The following MYL3 variants were observed in gnomAD, a reference collection of about 807,000 sequenced individuals.
The protein encoded by MYL3 is myosin light chain 3, also known as CMLC1.
Under a neutral mutation model 21.3 loss-of-function variants are expected in MYL3, and 11 were observed. That is an observed-to-expected ratio of 0.52 (90% CI 0.32 to 0.85). The LOEUF (loss-of-function observed/expected upper bound fraction) is 0.85, where lower values mean the gene tolerates loss of function less well. MYL3 is among the 40% of genes least tolerant of loss of function. MYL3 has a pLI of 0.03. For synonymous variants in MYL3, 88 were observed against 91.6 expected (o/e 0.96, Z 0.22); for missense variants, 206 against 253.3 (o/e 0.81, Z 1.27).
At chr3:46,865,146 C>T (rs1702035931), upstream of MYL3, among the ~76,000 whole-genome samples, 1 of 152,192 alleles carries the variant, frequency 6.6e-6, no homozygotes. The surrounding 1 kb of genome is among the most constrained non-coding windows in gnomAD (Gnocchi z 4.3). Context: ...CTCATCCTGT[C>T]ACTCCGCCTC....
intron 6 of MYL3, 57 bp from the exon 7 acceptor site, chr3:46,858,158 G>A: frequency 1.2e-5 from 18 of 1,515,586 alleles, no homozygotes; most frequent in Non-Finnish European, 1.6e-5. Flanking sequence ...GCAGCAGGAT[G>A]TCAAGTGAGC....
At chr3:46,869,969 C>G (rs1214608056) in intron 1 of MYL3, among the ~76,000 whole-genome samples, 2 of 152,052 alleles carry the variant, frequency 1.3e-5, no homozygotes, top group Non-Finnish European at 2.9e-5. Context: ...AAACTGGAGA[C>G]AGGGACCCTT....
Position 46,861,107 on chromosome 3 carries a change from C to T in MYL3, c.130-120G>A, listed in dbSNP as rs1048565189. ...TCTCAGCCTGTCCCATTCCAGCATC[C>T]CAGCCTGCACCCCCAGGACCTCCTG... is the stretch of plus-strand genomic sequence containing the variant. On this transcript the variant is annotated intron_variant, in intron 1 of 6. Transcript: ENST00000292327. This position sits in a 1 kb window ranked among gnomAD's most constrained non-coding sequence, Gnocchi z 4.2. 7.8e-6 allele frequency: 9 copies of T among 1,159,902 alleles called. No individual in the cohort carries two copies. The highest frequency in any genetic ancestry group is 6.1e-5 in the African/African-American group (4 of 65,932). 71.9% of individuals were successfully genotyped at this position (1,159,902 alleles called of 1,614,324 possible). A position where few individuals can be genotyped will look rare whatever the true frequency, so the allele number is the denominator to read the frequency against.
At chr3:46,878,732 C>T (rs116527098) in intron 1 of MYL3, among the ~76,000 whole-genome samples, 3,115 of 152,196 alleles carry the variant, frequency 0.02, 55 homozygotes, top group Non-Finnish European at 0.034. Flanking sequence ...TTGGCCAGAG[C>T]CCTACTCACG....
rs1701969934 is a variant in MYL3 at position 46,859,693 on chromosome 3, G to A, written c.308-45C>T. The stretch of plus-strand genomic sequence containing the variant: ...GGTTCCAGGGTCTAAGGCTGGGGTG[G>A]GCACACCCCTCCCCCATGCCTGATA... On this transcript the variant is annotated intron_variant, in intron 3 of 6. Transcript: ENST00000292327. The surrounding 1 kb of genome is among the most constrained non-coding windows in gnomAD (Gnocchi z 4.1). The A allele has an allele frequency of 3.8e-6, 6 of 1,592,986 alleles. No individual in the cohort carries two copies. Among genetic ancestry groups the A allele is most frequent in the Non-Finnish European group, 5.2e-6 (6 of 1,160,884 alleles).
At chr3:46,880,384 C>G (rs1369163575) in intron 1 of MYL3, 1 of 152,216 alleles carries the variant, frequency 6.6e-6, no homozygotes, top group Non-Finnish European at 1.5e-5. Flanking sequence ...AATAGCACAG[C>G]CCTTGAACAC....
At chr3:46,867,070 C>T (rs1343747574), upstream of MYL3, among the ~76,000 whole-genome samples, 1 of 152,098 alleles carries the variant, frequency 6.6e-6, no homozygotes, top group African/African-American at 2.4e-5. Flanking sequence ...GTGCCAAACT[C>T]AGAACCCAGA....
Position 46,875,482 on chromosome 3 carries a change from T to A in MYL3, c.-218+6592A>T, listed in dbSNP as rs2030160417. Among the ~76,000 whole-genome samples the A allele has an allele frequency of 2.0e-5, 3 of 152,280 alleles. No individual in the cohort carries two copies. In the South Asian group the frequency reaches 6.2e-4, roughly 32 times the overall value. ...AGCAGTCTCAGCCTTGCCTTGAGGG[T>A]CATGCAATTTGAGGACATGCCCTCA... On this transcript the variant is annotated intron_variant, in intron 1 of 3. Transcript: ENST00000431168.
intron 1 of MYL3, among the ~76,000 whole-genome samples, chr3:46,871,249 TG>T (rs552034255): frequency 1.5e-3 from 227 of 152,214 alleles, no homozygotes; most frequent in Non-Finnish European, 2.7e-3. Flanking sequence ...GGCACGGTAG[TG>T]TCCGCATCTG....
chr3:46,878,120 G>A (rs185263784), intron 1 of MYL3, among the ~76,000 whole-genome samples: 13 of 152,284 alleles, frequency 8.5e-5, no homozygotes, highest in Middle Eastern at 6.8e-3. Flanking sequence ...TGCCCCCATC[G>A]CCCCTCCCTT....
In MYL3 at chr3:46,860,986, A is replaced by G; in HGVS notation, c.131T>C (p.Ile44Thr). 6.2e-7 allele frequency: 1 copy of G among 1,613,946 alleles called. No homozygotes were observed. The highest frequency in any genetic ancestry group is 8.5e-7 in the Non-Finnish European group (1 of 1,180,000). Reference protein sequence around the residue: ...EVEFDASKIKIEFTPEQIEEF... With the variant: ...EVEFDASKIKTEFTPEQIEEF... ...TTCAATCTGCTCAGGTGTGAACTCA[A>G]TCTGAAAAGAGACCCCAAAGACTCA... is the stretch of plus-strand genomic sequence containing the variant. Residue 44 changes from isoleucine (I) to threonine (T), a missense_variant and splice_region_variant, in exon 2 of 7, where the codon ATT becomes ACT. Physicochemically the swap from Ile to Thr is moderately conservative, Grantham distance 89. Transcript: ENST00000292327. This position sits in a 1 kb window ranked among gnomAD's most constrained non-coding sequence, Gnocchi z 4.6.
intron 1 of MYL3, among the ~76,000 whole-genome samples, chr3:46,875,758 C>A (rs551725580): frequency 5.3e-5 from 8 of 152,246 alleles, no homozygotes; most frequent in Non-Finnish European, 7.3e-5. Flanking sequence ...CAGCTCCCAG[C>A]AGGTCTGGGG....
At chr3:46,858,512 G>C in intron 4 of MYL3, 51 bp from the exon 5 acceptor site, 2 of 1,578,040 alleles carry the variant, frequency 1.3e-6, no homozygotes, top group South Asian at 1.1e-5. Flanking sequence ...AGGCATGATG[G>C]GGTGGGGGCA....
intron 6 of MYL3, 28 bp from the exon 7 acceptor site, chr3:46,858,129 G>A (rs1701949329): frequency 2.2e-6 from 3 of 1,347,676 alleles, no homozygotes; most frequent in African/African-American, 1.4e-5. Flanking sequence ...GCAGATTACA[G>A]AGGAGGAGGG....
At chr3:46,875,391 T>C (rs2030155159) in intron 1 of MYL3, among the ~76,000 whole-genome samples, 2 of 151,804 alleles carry the variant, frequency 1.3e-5, no homozygotes, top group African/African-American at 4.8e-5. Flanking sequence ...TGCCAGGGAG[T>C]GGACTGTCAA....
rs60883694 is a variant in MYL3 at position 46,875,485 on chromosome 3, T to C, written c.-218+6589A>G. On this transcript the variant is annotated intron_variant, in intron 1 of 3. Coordinates refer to the MYL3 transcript ENST00000431168. ...AGTCTCAGCCTTGCCTTGAGGGTCA[T>C]GCAATTTGAGGACATGCCCTCAGGA... Among the ~76,000 whole-genome samples, 472 of 152,332 alleles carry C rather than the reference T, an allele frequency of 3.1e-3. 5 individuals carry two copies. The highest frequency in any genetic ancestry group is 0.011 in the African/African-American group (453 of 41,578).
At chr3:46,870,323 T>C (rs1702097010) in intron 1 of MYL3, among the ~76,000 whole-genome samples, 1 of 151,988 alleles carries the variant, frequency 6.6e-6, no homozygotes, top group South Asian at 2.1e-4. Context: ...AGGGACAGGA[T>C]GACAGATGAA....
At chr3:46,875,473 C>T (rs888865198) in intron 1 of MYL3, among the ~76,000 whole-genome samples, 3 of 152,222 alleles carry the variant, frequency 2.0e-5, no homozygotes, top group African/African-American at 7.2e-5. Flanking sequence ...CTCAGCCTTG[C>T]CTTGAGGGTC....
chr3:46,864,380 C>G (rs1702027341), upstream of MYL3, among the ~76,000 whole-genome samples: 1 of 152,044 alleles, frequency 6.6e-6, no homozygotes, highest in Admixed American at 6.6e-5. The surrounding 1 kb of genome is among the most constrained non-coding windows in gnomAD (Gnocchi z 4.7). Flanking sequence ...AGTTCAGCAG[C>G]CTCCCTCTTC....
Sources: gnomAD v4.1 joint callset for allele counts (sites outside exome capture counted in the v4.1 genomes callset) on GRCh38, gnomAD v4.1.1 for gene constraint, Gnocchi (gnomAD v3.1) non-coding constraint, MANE v1.5 for transcripts, NCBI Gene and HGNC (gene_info 2026-07-23, HGNC 2026-07-21) for gene names.